FOXP1: variants seen among roughly 807,000 people sequenced by gnomAD.
The protein encoded by FOXP1 is forkhead box P1.
FOXP1 carries 15 observed loss-of-function variants against 98.2 expected under a neutral mutation model. The observed-to-expected ratio is 0.15, with a 90% CI of 0.10 to 0.24. The LOEUF is 0.24. Ranked by LOEUF, FOXP1 falls within the 10% of genes least tolerant of loss-of-function variation. The pLI, the probability that FOXP1 is intolerant of heterozygous loss-of-function variation, is 1.00. For synonymous variants in FOXP1, 371 were observed against 314.5 expected, an observed-to-expected ratio of 1.18 and a Z score of -1.90; for missense variants, 633 against 848.5, an observed-to-expected ratio of 0.75 and a Z score of 3.15.
chr3:71,186,987 C>T (rs776225214), intron 6 of FOXP1, among the ~76,000 whole-genome samples: 36 of 152,220 alleles, frequency 2.4e-4, no homozygotes, highest in African/African-American at 8.2e-4. Flanking sequence ...CAGTTATAGG[C>T]AACAGTAGGC....
chr3:71,067,444 G>A (rs978638686), intron 7 of FOXP1, among the ~76,000 whole-genome samples: 1 of 152,110 alleles, frequency 6.6e-6, no homozygotes, highest in Non-Finnish European at 1.5e-5. Context: ...TGAGCACCAG[G>A]TCATTTTAGA....
At chr3:71,193,904 T>C (rs2108354837) in intron 6 of FOXP1, among the ~76,000 whole-genome samples, 1 of 152,336 alleles carries the variant, frequency 6.6e-6, no homozygotes, top group South Asian at 2.1e-4. Context: ...CTCCCCTTCT[T>C]CTTTTTCAAG....
chr3:71,217,279 G>T (rs1408965038), intron 5 of FOXP1, among the ~76,000 whole-genome samples: 1 of 152,044 alleles, frequency 6.6e-6, no homozygotes, highest in Non-Finnish European at 1.5e-5. Context: ...CATCATGTTG[G>T]CCTGGTTGGT....
chr3:71,119,159 C>T (rs1205766886), intron 6 of FOXP1, among the ~76,000 whole-genome samples: 1 of 152,216 alleles, frequency 6.6e-6, no homozygotes, highest in Non-Finnish European at 1.5e-5. Flanking sequence ...AAAGGAAATA[C>T]ATCCATGTGC....
chr3:71,082,307 A>G (rs2054522353), intron 7 of FOXP1, among the ~76,000 whole-genome samples: 5 of 151,708 alleles, frequency 3.3e-5, no homozygotes. Flanking sequence ...AAAAAAGAAT[A>G]GACGGTGCTG....
intron 5 of FOXP1, among the ~76,000 whole-genome samples, chr3:71,260,573 T>G (rs1372688019): frequency 6.6e-6 from 1 of 151,464 alleles, no homozygotes; most frequent in Non-Finnish European, 1.5e-5. Context: ...ATTTTTGTTT[T>G]TCTCTGTCGC....
intron 4 of FOXP1, among the ~76,000 whole-genome samples, chr3:71,343,927 G>A (rs1257582195): frequency 1.3e-5 from 2 of 152,168 alleles, no homozygotes; most frequent in East Asian, 3.8e-4. Context: ...AAGGAAAGCA[G>A]GACTCTTTAA....
chr3:71,191,041 C>T (rs2062947365), intron 6 of FOXP1, among the ~76,000 whole-genome samples: 1 of 152,328 alleles, frequency 6.6e-6, no homozygotes, highest in South Asian at 2.1e-4. Flanking sequence ...TAAAAGCAGT[C>T]ACCTTGTAAC....
intron 3 of FOXP1, among the ~76,000 whole-genome samples, chr3:71,406,040 A>AAAAG (rs948492637): frequency 6.6e-6 from 1 of 152,068 alleles, no homozygotes; most frequent in Non-Finnish European, 1.5e-5. Context: ...AGGCAGCAGT[A>AAAAG]CTTTTTAAAG....
intron 6 of FOXP1, among the ~76,000 whole-genome samples, chr3:71,155,689 AT>A (rs1159240466): frequency 1.3e-5 from 2 of 152,204 alleles, no homozygotes. Context: ...AACCCAAGCC[AT>A]TTGTGTTTCT....
chr3:71,021,413 C>T (rs891813880), intron 11 of FOXP1, among the ~76,000 whole-genome samples: 1 of 152,188 alleles, frequency 6.6e-6, no homozygotes, highest in African/African-American at 2.4e-5. Context: ...TTCCATTGTA[C>T]ATACATAGCA....
chr3:71,143,955 G>A (rs1242943452), intron 6 of FOXP1, among the ~76,000 whole-genome samples: 3 of 151,676 alleles, frequency 2.0e-5, no homozygotes, highest in East Asian at 1.9e-4. Flanking sequence ...TTTTCACGTC[G>A]CACTATAAAA....
intron 4 of FOXP1, among the ~76,000 whole-genome samples, chr3:71,318,790 T>C (rs2075228813): frequency 1.3e-5 from 2 of 152,170 alleles, no homozygotes. Context: ...AACTTAAAGA[T>C]AAACTAAGGT....
At chr3:70,983,445 CG>C (rs531451738) in intron 14 of FOXP1, among the ~76,000 whole-genome samples, 4 of 151,872 alleles carry the variant, frequency 2.6e-5, no homozygotes, top group African/African-American at 4.8e-5. Context: ...CCTTTCTTTT[CG>C]GGGGGGCACT....
chr3:71,512,453 A>C (rs534921236), intron 2 of FOXP1, among the ~76,000 whole-genome samples: 4 of 152,214 alleles, frequency 2.6e-5, no homozygotes, highest in Non-Finnish European at 5.9e-5. Context: ...TCCTCCACCT[A>C]TTACCTTATT....
At chr3:71,261,874 A>G (rs1029033378) in intron 5 of FOXP1, among the ~76,000 whole-genome samples, 2 of 152,184 alleles carry the variant, frequency 1.3e-5, no homozygotes, top group Admixed American at 6.5e-5. Flanking sequence ...AGGGTACACA[A>G]GTTACTTGGA....
At position 71,041,384 on chromosome 3, in the gene FOXP1, C is replaced by T. The variant is rs1440938806; in HGVS notation, c.813G>A (p.Met271Ile). 3 of 1,613,522 alleles carry T rather than the reference C, an allele frequency of 1.9e-6. No individual in the cohort carries two copies. The African/African-American group carries it at 4.0e-5, about 22-fold the overall frequency. Residue 271 changes from methionine (M) to isoleucine (I), a missense_variant, in exon 11 of 21, where the codon ATG becomes ATA. Transcript: ENST00000649528. ...SSAPSKTSLI[M>I]NPHASTNGQL... ...GTCCATTGGTAGAGGCATGTGGGTT[C>T]ATTATTAAGGAGGTCTTGGAAGGTG...
At chr3:71,023,671 A>G (rs1393436601) in intron 11 of FOXP1, among the ~76,000 whole-genome samples, 1 of 152,204 alleles carries the variant, frequency 6.6e-6, no homozygotes, top group Non-Finnish European at 1.5e-5. Context: ...ATGAGATTGT[A>G]CCGAACCATA....
chr3:71,279,496 C>A (rs1303459590), intron 5 of FOXP1, among the ~76,000 whole-genome samples: 1 of 152,018 alleles, frequency 6.6e-6, no homozygotes, highest in East Asian at 1.9e-4. Context: ...GCAAAATATC[C>A]CACAAATCAC....
Sources: gnomAD v4.1 joint callset for allele counts (sites outside exome capture counted in the v4.1 genomes callset) on GRCh38, gnomAD v4.1.1 for gene constraint, MANE v1.5 for transcripts, NCBI Gene and HGNC (gene_info 2026-07-23, HGNC 2026-07-21) for gene names.